Variants in PLCL1 observed in about 807,000 individuals in gnomAD.
PLCL1 encodes the protein inactive phospholipase C-like protein 1.
PLCL1 carries 41 observed loss-of-function variants against 84.4 expected under a neutral mutation model. The ratio of observed to expected loss-of-function variants is 0.49; its 90% CI spans 0.38 to 0.63. The LOEUF (loss-of-function observed/expected upper bound fraction) is 0.63, where lower values mean the gene tolerates loss of function less well. Ranked by LOEUF, PLCL1 falls within the 30% of genes least tolerant of loss-of-function variation. The pLI, the probability that PLCL1 is intolerant of heterozygous loss-of-function variation, is 0.00. For missense variants in PLCL1, 1,206 were observed against 1,367.8 expected (o/e 0.88, Z 1.87); for synonymous variants, 490 against 488.3 (o/e 1.00, Z -0.05).
At chr2:198,130,745 G>T (rs1305427870) in intron 5 of PLCL1, among the ~76,000 whole-genome samples, 1 of 151,986 alleles carries the variant, frequency 6.6e-6, no homozygotes, top group African/African-American at 2.4e-5. Context: ...ACCTCTAATT[G>T]GTTAGCAAGC....
At chr2:198,096,062 A>G (rs1693184783) in intron 3 of PLCL1, among the ~76,000 whole-genome samples, 1 of 152,226 alleles carries the variant, frequency 6.6e-6, no homozygotes, top group Non-Finnish European at 1.5e-5. Context: ...AATATTTTGG[A>G]TGCCTACTAT....
intron 1 of PLCL1, among the ~76,000 whole-genome samples, chr2:197,957,019 G>T (rs1689509436): frequency 6.6e-6 from 1 of 151,856 alleles, no homozygotes. Context: ...TCTTTACTTG[G>T]TTATTCTCTG....
intron 1 of PLCL1, among the ~76,000 whole-genome samples, chr2:197,929,183 C>A (rs116406652): frequency 6.6e-6 from 1 of 152,074 alleles, no homozygotes; most frequent in Non-Finnish European, 1.5e-5. Flanking sequence ...CTGTACTGAA[C>A]GATTTTATAT....
chr2:197,884,165 A>T (rs1165028973), intron 1 of PLCL1, among the ~76,000 whole-genome samples: 1 of 152,228 alleles, frequency 6.6e-6, no homozygotes, highest in African/African-American at 2.4e-5. Flanking sequence ...AGAAGTCCAG[A>T]GATAGACGGT....
chr2:197,850,728 G>T (rs1426051674), intron 1 of PLCL1, among the ~76,000 whole-genome samples: 1 of 152,066 alleles, frequency 6.6e-6, no homozygotes, highest in Non-Finnish European at 1.5e-5. Flanking sequence ...TTTGGAGTGG[G>T]GACCTACGGG....
intron 1 of PLCL1, among the ~76,000 whole-genome samples, chr2:197,859,256 A>C (rs775817802): frequency 6.6e-6 from 1 of 152,124 alleles, no homozygotes; most frequent in Non-Finnish European, 1.5e-5. Context: ...ATTTCTGCTG[A>C]GGTTAAATAA....
intron 1 of PLCL1, among the ~76,000 whole-genome samples, chr2:197,872,501 G>C (rs1687665700): frequency 6.6e-6 from 1 of 152,082 alleles, no homozygotes; most frequent in Non-Finnish European, 1.5e-5. Flanking sequence ...GTACCCTAAT[G>C]GTTAAGGGCT....
intron 1 of PLCL1, among the ~76,000 whole-genome samples, chr2:197,911,530 A>G (rs574479805): frequency 6.6e-6 from 1 of 152,308 alleles, no homozygotes; most frequent in East Asian, 1.9e-4. Context: ...TTAGAACTGC[A>G]TAAAATATTG....
At chr2:197,835,301 A>C (rs1026569386) in intron 1 of PLCL1, among the ~76,000 whole-genome samples, 14 of 152,212 alleles carry the variant, frequency 9.2e-5, no homozygotes, top group African/African-American at 3.4e-4. Flanking sequence ...TAATAAAAAA[A>C]CCATAGTGTT....
intron 5 of PLCL1, among the ~76,000 whole-genome samples, chr2:198,137,883 A>G (rs897836589): frequency 5.3e-5 from 8 of 152,136 alleles, no homozygotes; most frequent in African/African-American, 1.9e-4. Flanking sequence ...TCACTTTTGT[A>G]ACCCCCAGAG....
intron 1 of PLCL1, among the ~76,000 whole-genome samples, chr2:197,890,701 T>TATATATATATCTATATAC (rs11270566): frequency 1.7e-5 from 2 of 118,544 alleles, no homozygotes; most frequent in African/African-American, 7.6e-5. Context: ...TATATATATA[T>TATATATATATCTATATAC]ACACACACAC....
chr2:197,815,986 T>C (rs1453846622), intron 1 of PLCL1, among the ~76,000 whole-genome samples: 1 of 152,176 alleles, frequency 6.6e-6, no homozygotes, highest in Non-Finnish European at 1.5e-5. Context: ...GAATATTACA[T>C]AAACCTATTT....
intron 1 of PLCL1, among the ~76,000 whole-genome samples, chr2:197,857,434 A>C (rs1269577392): frequency 1.3e-5 from 2 of 152,202 alleles, no homozygotes; most frequent in Admixed American, 1.3e-4. Context: ...GCATAGGTAC[A>C]CTGAATAAAC....
chr2:197,894,941 C>T (rs1688104955), intron 1 of PLCL1, among the ~76,000 whole-genome samples: 1 of 151,902 alleles, frequency 6.6e-6, no homozygotes, highest in African/African-American at 2.4e-5. Context: ...TGTTTTAACT[C>T]TCTTTCTTTC....
chr2:198,088,004 C>T (rs1038094981), intron 2 of PLCL1, among the ~76,000 whole-genome samples: 6 of 152,202 alleles, frequency 3.9e-5, no homozygotes, highest in African/African-American at 9.6e-5. Context: ...CTTTTTCTGA[C>T]ATAATTCTAG....
intron 1 of PLCL1, among the ~76,000 whole-genome samples, chr2:197,938,109 C>T (rs1689084828): frequency 1.3e-5 from 2 of 152,140 alleles, no homozygotes; most frequent in South Asian, 4.1e-4. Context: ...TTAATCTTCC[C>T]CTAGAATTAT....
At chr2:198,042,926 G>A (rs1306609388) in intron 1 of PLCL1, among the ~76,000 whole-genome samples, 3 of 152,170 alleles carry the variant, frequency 2.0e-5, no homozygotes, top group Non-Finnish European at 4.4e-5. Context: ...AGTATCCAAT[G>A]ATCTAGAGAG....
chr2:198,101,101 T>C (rs566654403), intron 3 of PLCL1, among the ~76,000 whole-genome samples, 184 bp from the exon 4 acceptor site: 1 of 152,228 alleles, frequency 6.6e-6, no homozygotes, highest in Admixed American at 6.5e-5. Context: ...AAGGTGACAC[T>C]AGCCTCAGTG....
chr2:198,133,275 A>C (rs2105938354), intron 5 of PLCL1, among the ~76,000 whole-genome samples: 1 of 151,292 alleles, frequency 6.6e-6, no homozygotes, highest in African/African-American at 2.4e-5. Context: ...CTATCACAAG[A>C]ACAAAAAACC....
Sources: allele counts gnomAD v4.1 joint callset (sites outside exome capture counted in the v4.1 genomes callset), GRCh38; gene constraint gnomAD v4.1.1; transcripts MANE v1.5; gene names NCBI Gene and HGNC (gene_info 2026-07-23, HGNC 2026-07-21).